DCHS2: variants seen among roughly 807,000 people sequenced by gnomAD.
DCHS2 encodes dachsous cadherin-related 2.
Under a neutral mutation model 182.4 loss-of-function variants are expected in DCHS2, and 142 were observed. The observed-to-expected ratio is 0.78, with a 90% CI of 0.68 to 0.89. The LOEUF is 0.89. Ranked by LOEUF, DCHS2 falls within the 40% of genes least tolerant of loss-of-function variation. The pLI is 0.00. For synonymous variants in DCHS2, 1,740 were observed against 1,663.3 expected, an observed-to-expected ratio of 1.05 and a Z score of -1.12; for missense variants, 4,319 against 4,198.6, an observed-to-expected ratio of 1.03 and a Z score of -0.79.
chr4:154,283,784 T>C (rs1477907679), intron 13 of DCHS2, among the ~76,000 whole-genome samples: 1 of 152,170 alleles, frequency 6.6e-6, no homozygotes, highest in Non-Finnish European at 1.5e-5. Context: ...ATCTTGATTG[T>C]GGACCTGGTG....
At chr4:154,350,610 T>G (rs1437819046) in intron 3 of DCHS2, among the ~76,000 whole-genome samples, 2 of 152,202 alleles carry the variant, frequency 1.3e-5, no homozygotes, top group Non-Finnish European at 2.9e-5. Flanking sequence ...ATCTTAGATA[T>G]TTATTTTTAT....
chr4:154,256,121 A>AT (rs1481656005), intron 15 of DCHS2, among the ~76,000 whole-genome samples: 1 of 151,838 alleles, frequency 6.6e-6, no homozygotes, highest in Admixed American at 6.6e-5. Flanking sequence ...CTAGGTGTGA[A>AT]TTTTTTTATA....
In DCHS2 at chr4:154,242,613, A is replaced by T. The variant is rs759014745; in HGVS notation, c.7072+29T>A. ...TAAATGATATTATACAAGTTAATCA[A>T]AACCACTATGCCAAATTGTCACACT... is the stretch of plus-strand genomic sequence containing the variant. On this transcript the variant is annotated intron_variant, in intron 17 of 19. Transcript: ENST00000357232. The T allele has an allele frequency of 3.1e-6, 5 of 1,602,458 alleles. No individual in the cohort carries two copies. The Admixed American group carries it at 8.7e-5, about 28-fold the overall frequency.
chr4:154,366,114 A>G (rs950344162), intron 3 of DCHS2, 96 bp downstream of exon 3: 7 of 898,894 alleles, frequency 7.8e-6, no homozygotes, highest in Non-Finnish European at 1.2e-5. Context: ...CACCCCCATT[A>G]TTGAAAAAAA....
intron 13 of DCHS2, among the ~76,000 whole-genome samples, chr4:154,281,558 C>G (rs755486210): frequency 6.6e-6 from 1 of 151,970 alleles, no homozygotes; most frequent in South Asian, 2.1e-4. Flanking sequence ...AAAACCATTC[C>G]ATGTTTATGA....
At position 154,232,792 on chromosome 4, in the gene DCHS2, A is replaced by C. The variant is rs1212529606; in HGVS notation, c.*1744T>G. 2 of 152,112 alleles carry C rather than the reference A, an allele frequency of 1.3e-5. No individual in the cohort carries two copies. The highest frequency in any genetic ancestry group is 2.9e-5 in the Non-Finnish European group (2 of 67,988). The allele number at this position is 152,112 out of a possible 1,614,324, so 9.4% of individuals were successfully genotyped here. ...CCCAGATGCCAGGAAGAAAAGGAGA[A>C]ACATCATATATCAGTCCCATAGTAT... On this transcript the variant is annotated 3_prime_UTR_variant, in exon 20 of 20. Transcript: ENST00000357232.
intron 1 of DCHS2, among the ~76,000 whole-genome samples, chr4:154,458,105 T>A (rs763421459): frequency 6.6e-6 from 1 of 151,872 alleles, no homozygotes; most frequent in Non-Finnish European, 1.5e-5. Context: ...TCTTGCCAAT[T>A]AAAATGAGTT....
At chr4:154,363,925 C>CTT (rs1730236458) in intron 3 of DCHS2, among the ~76,000 whole-genome samples, 1 of 152,172 alleles carries the variant, frequency 6.6e-6, no homozygotes, top group Non-Finnish European at 1.5e-5. Flanking sequence ...CATAGCTAGT[C>CTT]ACGATGCTTT....
At chr4:154,393,537 T>A (rs1731798860) in intron 1 of DCHS2, among the ~76,000 whole-genome samples, 1 of 152,216 alleles carries the variant, frequency 6.6e-6, no homozygotes, top group Admixed American at 6.5e-5. Context: ...AACATCCCAA[T>A]GTCATAAGTG....
chr4:154,451,982 C>T (rs1734555307), intron 1 of DCHS2, among the ~76,000 whole-genome samples: 1 of 152,180 alleles, frequency 6.6e-6, no homozygotes, highest in African/African-American at 2.4e-5. Context: ...ATCAAGAGGA[C>T]AGGATGACTT....
chr4:154,335,012 C>T lies in DCHS2; in HGVS notation c.2569G>A (p.Val857Ile), dbSNP rs751314708. The T allele has an allele frequency of 1.9e-6, 3 of 1,614,130 alleles. No individual in the cohort carries two copies. Among genetic ancestry groups the T allele is most frequent in the South Asian group, 1.1e-5 (1 of 91,074 alleles). Reference protein sequence around the residue: ...SAQDGGGLTAVINADVTIHIF... With the variant: ...SAQDGGGLTAIINADVTIHIF... The stretch of plus-strand genomic sequence containing the variant: ...TGTATGGTGACATCGGCATTAATGA[C>T]AGCTGTGAGCCCACCACCGTCTTGA... Residue 857 changes from valine to isoleucine, a missense_variant, in exon 4 of 20, where the codon GTC becomes ATC. Physicochemically the swap from Val to Ile is conservative, Grantham distance 29. Transcript: ENST00000357232.
intron 1 of DCHS2, among the ~76,000 whole-genome samples, chr4:154,424,236 C>A (rs1733230790): frequency 6.6e-6 from 1 of 152,102 alleles, no homozygotes; most frequent in Admixed American, 6.6e-5. Context: ...AAAAGTAAAT[C>A]AGATCCTAAA....
At chr4:154,418,704 C>T (rs1732972887) in intron 1 of DCHS2, among the ~76,000 whole-genome samples, 1 of 151,954 alleles carries the variant, frequency 6.6e-6, no homozygotes, top group Non-Finnish European at 1.5e-5. Flanking sequence ...ATATAATGTC[C>T]TAGCTATAAT....
intron 16 of DCHS2, among the ~76,000 whole-genome samples, chr4:154,254,394 A>T (rs536726594): frequency 3.5e-4 from 54 of 152,308 alleles, no homozygotes; most frequent in African/African-American, 1.2e-3. Flanking sequence ...TCACTTAGTC[A>T]CATATCCTAG....
Position 154,236,798 on chromosome 4 carries a change from C to T in DCHS2, c.7854G>A (p.Val2618=), listed in dbSNP as rs1276827988. The T allele has an allele frequency of 3.1e-6, 5 of 1,613,994 alleles. No homozygotes were observed. Among genetic ancestry groups the T allele is most frequent in the Non-Finnish European group, 4.2e-6 (5 of 1,179,954 alleles). The part of the protein sequence containing the change: ...EYPYKQVGYL[V]LLHSLDREAS... ...CTTCTCTGTCCAGACTGTGAAGCAA[C>T]ACAAGATAACCGACTTGCTTATAAG... The change falls in exon 20 of 20, where the codon GTG becomes GTA. Residue 2618 remains valine (V), a synonymous_variant. Coordinates refer to ENST00000357232, the MANE Select transcript of DCHS2 (RefSeq NM_001358235.2).
At chr4:154,408,823 T>C (rs1401651491) in intron 1 of DCHS2, among the ~76,000 whole-genome samples, 4 of 152,090 alleles carry the variant, frequency 2.6e-5, no homozygotes, top group Middle Eastern at 6.8e-3. Context: ...GGAGAAAAAG[T>C]AAGCAAGGGG....
At chr4:154,288,732 G>C (rs1300195126) in intron 13 of DCHS2, among the ~76,000 whole-genome samples, 1 of 151,992 alleles carries the variant, frequency 6.6e-6, no homozygotes, top group African/African-American at 2.4e-5. Flanking sequence ...TATCTTCTCT[G>C]ACTGCAAAGG....
chr4:154,384,448 C>T, intron 1 of DCHS2: 1 of 1,606,240 alleles, frequency 6.2e-7, no homozygotes, highest in Admixed American at 1.7e-5. Flanking sequence ...TCGGGACTAC[C>T]TCTTTTCAAT....
intron 3 of DCHS2, among the ~76,000 whole-genome samples, chr4:154,352,876 T>A (rs1006284500): frequency 6.6e-6 from 1 of 152,106 alleles, no homozygotes; most frequent in African/African-American, 2.4e-5. Context: ...GAAGACAAGA[T>A]CAGAGCCATT....
Sources: gnomAD v4.1 joint callset for allele counts (sites outside exome capture counted in the v4.1 genomes callset) on GRCh38, gnomAD v4.1.1 for gene constraint, MANE v1.5 for transcripts, NCBI Gene and HGNC (gene_info 2026-07-23, HGNC 2026-07-21) for gene names.